Variants in ITSN1 observed in about 807,000 individuals in gnomAD.
The protein encoded by ITSN1 is intersectin 1.
ITSN1 carries 58 observed loss-of-function variants against 239.8 expected under a neutral mutation model. The observed-to-expected ratio is 0.24, with a 90% CI of 0.20 to 0.30. The LOEUF is 0.30. ITSN1 is among the 10% of genes least tolerant of loss of function. The probability of loss-of-function intolerance (pLI) is 1.00; values close to 1 mark genes in which losing one functional copy is unlikely to be tolerated. For missense variants in ITSN1, 1,558 were observed against 2,103.3 expected, an observed-to-expected ratio of 0.74 and a Z score of 5.07; for synonymous variants, 780 against 770.8, an observed-to-expected ratio of 1.01 and a Z score of -0.20.
At chr21:33,761,752 A>T (rs941104312) in intron 8 of ITSN1, among the ~76,000 whole-genome samples, 171 bp from the exon 9 acceptor site, 3 of 152,130 alleles carry the variant, frequency 2.0e-5, no homozygotes, top group Non-Finnish European at 4.4e-5. Flanking sequence ...CCTCTTTTTC[A>T]TTGGGGCTTA....
intron 1 of ITSN1, among the ~76,000 whole-genome samples, chr21:33,654,450 A>G (rs918247718): frequency 2.6e-5 from 4 of 152,066 alleles, no homozygotes; most frequent in African/African-American, 9.7e-5. Context: ...TTAGTTCCGT[A>G]TTTTGATTAT....
At chr21:33,730,102 T>C (rs1462741802) in intron 4 of ITSN1, among the ~76,000 whole-genome samples, 5 of 152,134 alleles carry the variant, frequency 3.3e-5, no homozygotes. Context: ...TTATTTAATT[T>C]AGATATGCCT....
chr21:33,793,984 T>A (rs1159145588), intron 16 of ITSN1, among the ~76,000 whole-genome samples: 1 of 152,220 alleles, frequency 6.6e-6, no homozygotes, highest in African/African-American at 2.4e-5. Flanking sequence ...CAAAAGAAGC[T>A]TAAGTTTTAT....
chr21:33,739,036 C>T (rs533147586), intron 5 of ITSN1, among the ~76,000 whole-genome samples: 1 of 152,340 alleles, frequency 6.6e-6, no homozygotes, highest in Non-Finnish European at 1.5e-5. Flanking sequence ...CTCAAGTAAT[C>T]CTCCCATTTT....
chr21:33,829,447 T>G (rs900742151), intron 26 of ITSN1, 177 bp from the exon 27 acceptor site: 6 of 653,738 alleles, frequency 9.2e-6, no homozygotes. Context: ...ATGCCGTGTC[T>G]GCCTGGTAGC....
chr21:33,872,648 C>T (rs962912758), intron 33 of ITSN1, among the ~76,000 whole-genome samples: 1 of 152,162 alleles, frequency 6.6e-6, no homozygotes, highest in Non-Finnish European at 1.5e-5. Context: ...TCTCCTGCCT[C>T]ACCCTTCTGA....
intron 29 of ITSN1, among the ~76,000 whole-genome samples, chr21:33,838,779 G>A (rs966566751): frequency 2.0e-5 from 3 of 152,086 alleles, no homozygotes; most frequent in Admixed American, 1.3e-4. Context: ...AGTCTCACCG[G>A]GCTTTTGATA....
chr21:33,688,698 C>T (rs1046147134), intron 1 of ITSN1, among the ~76,000 whole-genome samples: 9 of 151,986 alleles, frequency 5.9e-5, no homozygotes, highest in Admixed American at 5.2e-4. Flanking sequence ...CAAATAGGAC[C>T]CATGGCCCAA....
chr21:33,829,665 G>A lies in ITSN1; in HGVS notation c.3271G>A (p.Glu1091Lys), dbSNP rs2074179091. 2.5e-6 allele frequency: 4 copies of A among 1,612,464 alleles called. No homozygotes were observed. The highest frequency in any genetic ancestry group is 2.2e-5 in the East Asian group (1 of 44,880). Reference protein sequence around the residue: ...VIASYTATGPEQLTLAPGQLI... With the variant: ...VIASYTATGPKQLTLAPGQLI... ...TGCCTCATACACCGCCACCGGCCCC[G>A]AGCAGCTCACTCTCGCCCCTGGTCA... The change falls in exon 27 of 40, where the codon GAG (glutamate) becomes AAG (lysine). Residue 1091 changes from glutamate (E) to lysine (K), a missense_variant. Glu to Lys is a moderately conservative substitution (Grantham distance 56, BLOSUM62 1). Around this residue, in one of 2 missense-constraint regions of ITSN1, gnomAD observed 576 missense variants for 893.3 expected, o/e 0.64. Transcript: ENST00000381318.
At chr21:33,656,995 A>G (rs2089148133) in intron 1 of ITSN1, among the ~76,000 whole-genome samples, 1 of 152,194 alleles carries the variant, frequency 6.6e-6, no homozygotes, top group African/African-American at 2.4e-5. Context: ...TGCTGGGATT[A>G]CAGGCGTGAG....
chr21:33,884,983 AC>A lies in ITSN1; in HGVS notation c.4677-56del, dbSNP rs1985542043. 10 of 1,263,736 alleles carry A rather than the reference AC, an allele frequency of 7.9e-6. No homozygotes were observed. In the Admixed American group the frequency reaches 1.7e-4, roughly 22 times the overall value. The allele number at this position is 1,263,736 out of a possible 1,614,324, so 78.3% of individuals were successfully genotyped here. ...AGTCCTGGCAACAGTGTTTGAACAG[AC>A]CTGAAGCCTTTTTCCTGAGTTTCTG... On this transcript the variant is annotated intron_variant, in intron 36 of 39. Transcript: ENST00000381318.
chr21:33,794,809 A>AAAATCCAAGCCACTGAGCT (rs1294131777), intron 17 of ITSN1, among the ~76,000 whole-genome samples: 1 of 152,192 alleles, frequency 6.6e-6, no homozygotes, highest in East Asian at 1.9e-4. Context: ...TGCCTGGTTT[A>AAAATCCAAGCCACTGAGCT]AAATCCAAGC....
At position 33,687,705 on chromosome 21, in the gene ITSN1, G is replaced by T. The variant is rs557623896; in HGVS notation, c.-32-31092G>T. ...AATACATAGTTAGGGACAGTTGTTC[G>T]TAGCTTCTGGAGTGTTTGAAAATGG... On this transcript the variant is annotated intron_variant, in intron 1 of 39. Transcript: ENST00000381318. 1.5e-4 allele frequency among the ~76,000 whole-genome samples: 23 copies of T among 152,258 alleles called. 1 individual carries two copies. In the South Asian group the frequency reaches 4.8e-3, roughly 32 times the overall value.
At chr21:33,721,305 T>C (rs745585614) in intron 3 of ITSN1, 35 bp downstream of exon 3, 29 of 1,314,304 alleles carry the variant, frequency 2.2e-5, no homozygotes, top group Admixed American at 1.7e-4. Flanking sequence ...TTTTTACTTA[T>C]CAGTAGTGCA....
intron 1 of ITSN1, among the ~76,000 whole-genome samples, chr21:33,688,082 CT>C (rs780612985): frequency 1.1e-3 from 154 of 142,948 alleles, no homozygotes; most frequent in Non-Finnish European, 9.5e-4. Flanking sequence ...TTTTGTTTGC[CT>C]TTTTTTTTTT....
At chr21:33,833,579 C>CA (rs1017164313) in intron 27 of ITSN1, among the ~76,000 whole-genome samples, 2 of 152,184 alleles carry the variant, frequency 1.3e-5, no homozygotes, top group Admixed American at 1.3e-4. Flanking sequence ...AAAAAGTACT[C>CA]AGTGAGGGCC....
chr21:33,817,574 A>C, intron 22 of ITSN1: 1 of 1,301,506 alleles, frequency 7.7e-7, no homozygotes, highest in Non-Finnish European at 1.0e-6. Flanking sequence ...CTTCCCCATT[A>C]CTTGTGAATT....
intron 37 of ITSN1, 45 bp downstream of exon 37, chr21:33,885,168 G>A (rs1239547459): frequency 6.6e-7 from 1 of 1,508,596 alleles, no homozygotes. Context: ...TGGGCAGGAG[G>A]GAGGGCCATT....
At chr21:33,815,481 A>G (rs563789992) in intron 22 of ITSN1, among the ~76,000 whole-genome samples, 19 of 152,260 alleles carry the variant, frequency 1.2e-4, no homozygotes, top group Non-Finnish European at 2.2e-4. Context: ...GAGACCATTC[A>G]TTGTGACAGG....
Sources: allele counts gnomAD v4.1 joint callset (sites outside exome capture counted in the v4.1 genomes callset), GRCh38; gene constraint gnomAD v4.1.1; regional missense constraint gnomAD v4.1.1; transcripts MANE v1.5; gene names NCBI Gene and HGNC (gene_info 2026-07-23, HGNC 2026-07-21).